TAOK1: variants seen among roughly 807,000 people sequenced by gnomAD.
The protein encoded by TAOK1 is serine/threonine-protein kinase TAO1.
Under a neutral mutation model 138.3 loss-of-function variants are expected in TAOK1, and 21 were observed. The observed-to-expected ratio is 0.15, with a 90% CI of 0.11 to 0.22. The LOEUF (loss-of-function observed/expected upper bound fraction) is 0.22, where lower values mean the gene tolerates loss of function less well. Ranked by LOEUF, TAOK1 falls within the 10% of genes least tolerant of loss-of-function variation. The pLI is 1.00. For synonymous variants in TAOK1, 361 were observed against 398.4 expected (o/e 0.91, Z 1.12); for missense variants, 651 against 1,227.7 (o/e 0.53, Z 7.02).
At chr17:29,441,684 G>C (rs563339690) in intron 1 of TAOK1, among the ~76,000 whole-genome samples, 3 of 152,138 alleles carry the variant, frequency 2.0e-5, no homozygotes, top group African/African-American at 7.2e-5. Flanking sequence ...GGTGGATCAC[G>C]AGGTGAAGAA....
In TAOK1 at chr17:29,542,901, T is replaced by C; in HGVS notation, c.2885T>C (p.Val962Ala). 1 of 1,613,586 alleles carries C rather than the reference T, an allele frequency of 6.2e-7. No individual in the cohort carries two copies. The highest frequency in any genetic ancestry group is 8.5e-7 in the Non-Finnish European group (1 of 1,179,898). The part of the protein sequence containing the change: ...QGVPRGSSMG[V>A]RNSPQALRRT... ...GTACCTCGAGGTAGCAGTATGGGAG[T>C]CCGCAATAGCCCCCAGGCTCTGAGG... Residue 962 changes from valine to alanine, a missense_variant, in exon 20 of 20, where the codon GTC (valine) becomes GCC (alanine). Physicochemically the swap from Val to Ala is moderately conservative, Grantham distance 64 (BLOSUM62 0). This residue lies in a region of TAOK1 where 108 missense variants were observed against 120.3 expected (regional missense o/e 0.90). Coordinates refer to ENST00000261716, the MANE Select transcript of TAOK1 (RefSeq NM_020791.4).
chr17:29,539,976 T>C (rs1326818916), intron 19 of TAOK1, among the ~76,000 whole-genome samples: 1 of 152,172 alleles, frequency 6.6e-6, no homozygotes, highest in Non-Finnish European at 1.5e-5. Flanking sequence ...ATGTACTCTA[T>C]AGCGGAGGGA....
chr17:29,493,494 GA>G (rs1219822637), intron 10 of TAOK1, among the ~76,000 whole-genome samples: 384 of 124,170 alleles, frequency 3.1e-3, no homozygotes, highest in African/African-American at 5.4e-3. Flanking sequence ...GCTCCATCTC[GA>G]AAAAAAAAAA....
chr17:29,401,635 C>A (rs1904845577), intron 1 of TAOK1, among the ~76,000 whole-genome samples: 1 of 149,704 alleles, frequency 6.7e-6, no homozygotes, highest in Non-Finnish European at 1.5e-5. Context: ...GACACAGAGC[C>A]AAACCATATC....
intron 6 of TAOK1, among the ~76,000 whole-genome samples, chr17:29,479,145 C>CA (rs373418404): frequency 0.079 from 6,528 of 82,656 alleles, 329 homozygotes; most frequent in African/African-American, 0.21. Flanking sequence ...AACTCTGTCT[C>CA]AAAAAAAAAA....
Position 29,551,253 on chromosome 17 carries a change from A to G in TAOK1, c.*8231A>G, listed in dbSNP as rs904866410. 2 of 152,132 alleles carry G rather than the reference A, an allele frequency of 1.3e-5. No homozygotes were observed. Among genetic ancestry groups the G allele is most frequent in the Non-Finnish European group, 2.9e-5 (2 of 68,022 alleles). The allele number at this position is 152,132 out of a possible 1,614,324, so 9.4% of individuals were successfully genotyped here. ...ATGCTATCATTGAGGTTCATCAATG[A>G]ATTTGTACATTTCTAGTTCCCTTTG... On this transcript the variant is annotated 3_prime_UTR_variant, in exon 20 of 20. Coordinates refer to ENST00000261716, the MANE Select transcript of TAOK1 (RefSeq NM_020791.4).
intron 1 of TAOK1, among the ~76,000 whole-genome samples, chr17:29,418,223 G>T (rs1405686630): frequency 6.6e-6 from 1 of 151,984 alleles, no homozygotes; most frequent in Non-Finnish European, 1.5e-5. Context: ...TTGCTCTGTT[G>T]CCGAAGCTAA....
chr17:29,489,787 G>A (rs924069126), intron 9 of TAOK1, 30 bp downstream of exon 9: 4 of 1,442,346 alleles, frequency 2.8e-6, no homozygotes, highest in Non-Finnish European at 1.9e-6. Flanking sequence ...ATATTGCTCA[G>A]TGTTGAATAA....
intron 1 of TAOK1, among the ~76,000 whole-genome samples, chr17:29,410,596 A>G (rs150900929): frequency 3.4e-5 from 5 of 145,756 alleles, no homozygotes; most frequent in African/African-American, 1.0e-4. Context: ...ATTGTGTTAC[A>G]TATGTGTTAG....
intron 1 of TAOK1, among the ~76,000 whole-genome samples, chr17:29,397,848 T>C (rs1391384494): frequency 6.6e-6 from 1 of 151,672 alleles, no homozygotes; most frequent in Non-Finnish European, 1.5e-5. Flanking sequence ...TATATATATA[T>C]ATGTATGTCA....
At chr17:29,474,561 C>G (rs2153026353) in intron 3 of TAOK1, among the ~76,000 whole-genome samples, 1 of 152,246 alleles carries the variant, frequency 6.6e-6, no homozygotes, top group Non-Finnish European at 1.5e-5. Context: ...GAAAGGGAGA[C>G]AGACTGGGGA....
chr17:29,397,679 G>GTATATTCATGTATGCATACATGAA (rs1567706760), intron 1 of TAOK1, among the ~76,000 whole-genome samples: 30 of 143,058 alleles, frequency 2.1e-4, no homozygotes, highest in Admixed American at 1.8e-3. Context: ...ATGTATACAT[G>GTATATTCATGTATGCATACATGAA]TATACATGTA....
chr17:29,420,045 A>ATT (rs879576966), intron 1 of TAOK1, among the ~76,000 whole-genome samples: 2 of 140,414 alleles, frequency 1.4e-5, no homozygotes, highest in African/African-American at 2.6e-5. Flanking sequence ...CACCTGGCTA[A>ATT]TTTTTTTTTT....
chr17:29,510,269 T>G (rs958603521), intron 14 of TAOK1, among the ~76,000 whole-genome samples: 8 of 151,942 alleles, frequency 5.3e-5, no homozygotes, highest in African/African-American at 1.9e-4. Flanking sequence ...CACAGCTACT[T>G]GGGAGGCTGA....
intron 1 of TAOK1, among the ~76,000 whole-genome samples, chr17:29,443,869 C>T (rs1403018615): frequency 6.6e-6 from 1 of 151,914 alleles, no homozygotes; most frequent in Non-Finnish European, 1.5e-5. Flanking sequence ...GAGCCCAGCA[C>T]TTTGGGAGGC....
rs149632037 is a variant in TAOK1 at position 29,397,664 on chromosome 17, GATACATGT to G, written c.-95+6660_-95+6667del. ...CATGTATATATGTATATTCATGTAT[GATACATGT>G]ATACATGTATACATGTATATTCATG... On this transcript the variant is annotated intron_variant, in intron 1 of 19. Transcript: ENST00000261716. 8.5e-3 allele frequency among the ~76,000 whole-genome samples: 301 copies of G among 35,472 alleles called. 11 individuals carry two copies. The highest frequency in any genetic ancestry group is 0.012 in the African/African-American group (111 of 9,076). The allele number at this position is 35,472 out of a possible 152,430, so 23.3% of individuals were successfully genotyped here.
At position 29,541,097 on chromosome 17, in the gene TAOK1, T is replaced by TTG. The variant is rs1555569556; in HGVS notation, c.2545-1463_2545-1462insGT. Among the ~76,000 whole-genome samples, 54 of 35,134 alleles carry TTG rather than the reference T, an allele frequency of 1.5e-3. No homozygotes were observed. In the East Asian group the frequency reaches 0.038, roughly 25 times the overall value. The allele number at this position is 35,134 out of a possible 152,430, so 23.0% of individuals were successfully genotyped here. ...TTGTATTTGCTTCCCATGAAAAAAA[T>TTG]TTTTGTTTTGTTTATTTGTTTGTTT... On this transcript the variant is annotated intron_variant, in intron 19 of 19. Coordinates refer to ENST00000261716, the MANE Select transcript of TAOK1 (RefSeq NM_020791.4).
At chr17:29,482,171 T>C (rs778023119) in intron 7 of TAOK1, 26 bp from the exon 8 acceptor site, 12 of 1,551,112 alleles carry the variant, frequency 7.7e-6, no homozygotes, top group Non-Finnish European at 1.1e-5. Flanking sequence ...AAAAAATCTT[T>C]AATTTAAATT....
chr17:29,485,468 C>G (rs2031152364), intron 8 of TAOK1, among the ~76,000 whole-genome samples: 1 of 152,074 alleles, frequency 6.6e-6, no homozygotes, highest in Non-Finnish European at 1.5e-5. Flanking sequence ...AAGACCTTGT[C>G]TCTACCAAAA....
Sources: gnomAD v4.1 joint callset for allele counts (sites outside exome capture counted in the v4.1 genomes callset) on GRCh38, gnomAD v4.1.1 for gene constraint, gnomAD v4.1.1 regional missense constraint, MANE v1.5 for transcripts, NCBI Gene and HGNC (gene_info 2026-07-23, HGNC 2026-07-21) for gene names.